Variants in HECA observed in about 807,000 individuals in gnomAD.
HECA encodes HECA ribonucleoprotein granule regulator.
A neutral mutation model predicts 37.6 loss-of-function variants in HECA; 13 were observed. That is an observed-to-expected ratio of 0.35 (90% CI 0.23 to 0.55). HECA has a LOEUF of 0.55. HECA is among the 20% of genes least tolerant of loss of function. HECA has a pLI of 0.90. For synonymous variants in HECA, 307 were observed against 291.5 expected, an observed-to-expected ratio of 1.05 and a Z score of -0.54; for missense variants, 527 against 701.9, an observed-to-expected ratio of 0.75 and a Z score of 2.82.
At chr6:139,163,824 G>A (rs1310048825) in intron 1 of HECA, among the ~76,000 whole-genome samples, 1 of 151,944 alleles carries the variant, frequency 6.6e-6, no homozygotes, top group African/African-American at 2.4e-5. Context: ...TTTTTCTTGG[G>A]CATCTCATTA....
chr6:139,135,429 C>A lies in HECA; in HGVS notation c.33C>A (p.Arg11=). The A allele has an allele frequency of 7.2e-7, 1 of 1,383,118 alleles. No homozygotes were observed. The highest frequency in any genetic ancestry group is 2.6e-5 in the Admixed American group (1 of 39,082). The allele number at this position is 1,383,118 out of a possible 1,614,324, so 85.7% of individuals were successfully genotyped here. Residue 11 remains arginine (R), a synonymous_variant, in exon 1 of 4, where the codon CGC becomes CGA. Transcript: ENST00000367658. ...ACCCCAAAAACAGCAAAGGCGGCCGCAAAAACAAGCGCGCCAACAGCAGCG... is the reference window on the plus strand; with the variant it reads ...ACCCCAAAAACAGCAAAGGCGGCCGAAAAAACAAGCGCGCCAACAGCAGCG... The part of the protein sequence containing the change: MPNPKNSKGG[R]KNKRANSSGD...
chr6:139,153,320 G>A (rs1774674623), intron 1 of HECA: 1 of 152,026 alleles, frequency 6.6e-6, no homozygotes, highest in Non-Finnish European at 1.5e-5. Flanking sequence ...TAGATGCTGA[G>A]GATACAGTTT....
At position 139,135,157 on chromosome 6, in the gene HECA, C is replaced by T; in HGVS notation, c.-240C>T. On this transcript the variant is annotated 5_prime_UTR_variant, in exon 1 of 4. Transcript: ENST00000367658. ...GAGCGTCTCGCTTGCGCCCCGGGCC[C>T]GCGGCGCCCGCGCGGCTGCGAGCCT... 1 of 185,762 alleles carries T rather than the reference C, an allele frequency of 5.4e-6. No individual in the cohort carries two copies. Among genetic ancestry groups the T allele is most frequent in the Non-Finnish European group, 1.1e-5 (1 of 91,398 alleles). The allele number at this position is 185,762 out of a possible 1,614,324, so 11.5% of individuals were successfully genotyped here.
At chr6:139,168,686 A>G (rs936977735) in intron 2 of HECA, among the ~76,000 whole-genome samples, 52 of 151,870 alleles carry the variant, frequency 3.4e-4, no homozygotes, top group African/African-American at 1.2e-3. Context: ...CTAGATCTCA[A>G]TATTTTATTT....
chr6:139,172,806 T>C (rs1265574551), intron 2 of HECA, among the ~76,000 whole-genome samples: 6 of 152,202 alleles, frequency 3.9e-5, no homozygotes, highest in Non-Finnish European at 8.8e-5. Flanking sequence ...CTTCCTACTC[T>C]CAGAAGTGGG....
intron 2 of HECA, among the ~76,000 whole-genome samples, chr6:139,172,434 C>T (rs547493978): frequency 9.8e-5 from 15 of 152,296 alleles, no homozygotes; most frequent in African/African-American, 3.1e-4. Context: ...CTGCCCTCCC[C>T]GGACCCTGTC....
In HECA at chr6:139,158,274, G is replaced by A. The variant is rs570803232; in HGVS notation, c.272-8010G>A. ...TCCCAGCACTTTGGGAGGCCGAGGC[G>A]GGCAGATCACGAGGTCAGGAGATGG... On this transcript the variant is annotated intron_variant, in intron 1 of 3. Coordinates refer to ENST00000367658, the MANE Select transcript of HECA (RefSeq NM_016217.3). 5.3e-5 allele frequency among the ~76,000 whole-genome samples: 8 copies of A among 151,676 alleles called. No homozygotes were observed. In the South Asian group the frequency reaches 1.3e-3, roughly 24 times the overall value.
intron 1 of HECA, among the ~76,000 whole-genome samples, chr6:139,164,505 G>A (rs925952078): frequency 1.3e-5 from 2 of 152,134 alleles, no homozygotes; most frequent in African/African-American, 4.8e-5. Context: ...CCAGATGCCA[G>A]TAGTGCCCTC....
In HECA at chr6:139,176,494, A is replaced by C. The variant is rs1030562086; in HGVS notation, c.1468-447A>C. On this transcript the variant is annotated intron_variant, in intron 3 of 3. Coordinates refer to ENST00000367658, the MANE Select transcript of HECA (RefSeq NM_016217.3). The surrounding 1 kb of genome is among the most constrained non-coding windows in gnomAD (Gnocchi z 4.5). ...GGAACTCCAGAAGCCTCAGACCAGCACCGCACTTCCTGGATTGCTAATTTT... is the reference window on the plus strand; with the variant it reads ...GGAACTCCAGAAGCCTCAGACCAGCCCCGCACTTCCTGGATTGCTAATTTT... Among the ~76,000 whole-genome samples, 2 of 152,198 alleles carry C rather than the reference A, an allele frequency of 1.3e-5. No homozygotes were observed. The highest frequency in any genetic ancestry group is 4.8e-5 in the African/African-American group (2 of 41,436).
intron 1 of HECA, among the ~76,000 whole-genome samples, chr6:139,162,950 C>A (rs903109001): frequency 2.0e-5 from 3 of 152,166 alleles, no homozygotes; most frequent in African/African-American, 7.2e-5. Flanking sequence ...TCTTTCCCTG[C>A]CCTACAGTTA....
In HECA at chr6:139,167,080, C is replaced by A; in HGVS notation, c.1068C>A (p.Ile356=). 4 of 1,614,198 alleles carry A rather than the reference C, an allele frequency of 2.5e-6. No homozygotes were observed. The highest frequency in any genetic ancestry group is 2.5e-6 in the Non-Finnish European group (3 of 1,180,034). ...RLDLSELLTH[I]PRHKLNTFHV... ...ACCTCTCCGAACTCCTCACTCACATCCCCAGGCATAAGCTGAACACTTTCC... is the reference window on the plus strand; with the variant it reads ...ACCTCTCCGAACTCCTCACTCACATACCCAGGCATAAGCTGAACACTTTCC... The change falls in exon 2 of 4, where the codon ATC becomes ATA. Residue 356 remains isoleucine, a synonymous_variant. Transcript: ENST00000367658.
At position 139,176,813 on chromosome 6, in the gene HECA, T is replaced by G; in HGVS notation, c.1468-128T>G. 1 of 641,728 alleles carries G rather than the reference T, an allele frequency of 1.6e-6. No individual in the cohort carries two copies. The highest frequency in any genetic ancestry group is 2.1e-5 in the South Asian group (1 of 48,360). 39.8% of individuals were successfully genotyped at this position (641,728 alleles called of 1,614,324 possible). ...GTCTTTCAGGTATACCCCGTTTCCATGTTTTTGGTAGTAAAAGGGATGCTT... is the reference window on the plus strand; with the variant it reads ...GTCTTTCAGGTATACCCCGTTTCCAGGTTTTTGGTAGTAAAAGGGATGCTT... On this transcript the variant is annotated intron_variant, in intron 3 of 3. Transcript: ENST00000367658. The surrounding 1 kb of genome is among the most constrained non-coding windows in gnomAD (Gnocchi z 4.5).
chr6:139,161,579 A>G (rs1330341944), intron 1 of HECA, among the ~76,000 whole-genome samples: 6 of 152,246 alleles, frequency 3.9e-5, no homozygotes, highest in Admixed American at 1.3e-4. Flanking sequence ...AGTATTGGTT[A>G]AATGAAATAT....
chr6:139,151,245 A>G (rs1427392313), intron 1 of HECA: 1 of 152,204 alleles, frequency 6.6e-6, no homozygotes, highest in Non-Finnish European at 1.5e-5. Context: ...GAAAGAGTGT[A>G]TTTCAGAAAG....
At chr6:139,165,566 C>G (rs1007384187) in intron 1 of HECA, among the ~76,000 whole-genome samples, 2 of 151,658 alleles carry the variant, frequency 1.3e-5, no homozygotes, top group African/African-American at 4.8e-5. Context: ...GCTCATCCCC[C>G]ACCCCCTGTG....
chr6:139,142,237 A>T (rs1349600720), intron 1 of HECA, among the ~76,000 whole-genome samples: 2 of 151,792 alleles, frequency 1.3e-5, no homozygotes, highest in Non-Finnish European at 2.9e-5. Context: ...TGGCCTAAAC[A>T]CCTTCTAAAG....
At chr6:139,152,076 A>G (rs1035264262) in intron 1 of HECA, among the ~76,000 whole-genome samples, 1 of 152,230 alleles carries the variant, frequency 6.6e-6, no homozygotes, top group Non-Finnish European at 1.5e-5. Flanking sequence ...AGGATAAACT[A>G]TGACACTATT....
intron 1 of HECA, among the ~76,000 whole-genome samples, chr6:139,145,324 A>C (rs1190109561): frequency 2.6e-5 from 4 of 152,258 alleles, no homozygotes; most frequent in Non-Finnish European, 4.4e-5. Context: ...CTAATACTTT[A>C]AAATGTTACA....
At position 139,180,666 on chromosome 6, in the gene HECA, T is replaced by C. The variant is rs1775122719; in HGVS notation, c.*3561T>C. ...TGTCAAGATGTCTTGGATTGCACTT[T>C]TGTTGAGGAAAGACAGTGTAAATAG... is the stretch of plus-strand genomic sequence containing the variant. On this transcript the variant is annotated 3_prime_UTR_variant, in exon 4 of 4. Coordinates refer to ENST00000367658, the MANE Select transcript of HECA (RefSeq NM_016217.3). The C allele has an allele frequency of 6.6e-6, 1 of 152,642 alleles. No homozygotes were observed. The highest frequency in any genetic ancestry group is 1.5e-5 in the Non-Finnish European group (1 of 68,020). 9.5% of individuals were successfully genotyped at this position (152,642 alleles called of 1,614,324 possible).
Sources: gnomAD v4.1 joint callset for allele counts (sites outside exome capture counted in the v4.1 genomes callset) on GRCh38, gnomAD v4.1.1 for gene constraint, Gnocchi (gnomAD v3.1) non-coding constraint, MANE v1.5 for transcripts, NCBI Gene and HGNC (gene_info 2026-07-23, HGNC 2026-07-21) for gene names.